The following DSTYK variants were observed in gnomAD, a reference collection of about 807,000 sequenced individuals.
The protein encoded by DSTYK is dual serine/threonine and tyrosine protein kinase.
DSTYK carries 34 observed loss-of-function variants against 98.7 expected under a neutral mutation model. The ratio of observed to expected loss-of-function variants is 0.34; its 90% CI spans 0.26 to 0.46. DSTYK has a LOEUF of 0.46. DSTYK is among the 20% of genes least tolerant of loss of function. The pLI is 1.00. For missense variants in DSTYK, 962 were observed against 1,181.7 expected (o/e 0.81, Z 2.73); for synonymous variants, 462 against 457.3 (o/e 1.01, Z -0.13).
intron 1 of DSTYK, among the ~76,000 whole-genome samples, chr1:205,192,004 G>C (rs1393561767): frequency 6.6e-6 from 1 of 152,044 alleles, no homozygotes; most frequent in African/African-American, 2.4e-5. Flanking sequence ...GGCTTCTGTT[G>C]TTGTTGTTGT....
At chr1:205,209,735 G>A (rs899629929) in intron 1 of DSTYK, among the ~76,000 whole-genome samples, 6 of 148,970 alleles carry the variant, frequency 4.0e-5, no homozygotes, top group African/African-American at 1.2e-4. Context: ...GATATTAAGC[G>A]CAAAACTTTG....
intron 1 of DSTYK, among the ~76,000 whole-genome samples, chr1:205,194,082 C>T (rs977114495): frequency 6.6e-6 from 1 of 152,208 alleles, no homozygotes; most frequent in Non-Finnish European, 1.5e-5. Flanking sequence ...ACCATTAGAT[C>T]ATGTCCTACT....
At chr1:205,193,565 A>G (rs1327313271) in intron 1 of DSTYK, among the ~76,000 whole-genome samples, 1 of 152,026 alleles carries the variant, frequency 6.6e-6, no homozygotes. Flanking sequence ...CCTCTTCCTC[A>G]AGACCATAGA....
chr1:205,184,279 A>G (rs898205009), intron 2 of DSTYK, among the ~76,000 whole-genome samples: 4 of 152,142 alleles, frequency 2.6e-5, no homozygotes, highest in Non-Finnish European at 5.9e-5. Flanking sequence ...AAATTAAAAA[A>G]AAAAAATTTA....
intron 3 of DSTYK, among the ~76,000 whole-genome samples, chr1:205,164,664 T>C (rs567628287): frequency 3.1e-4 from 47 of 152,252 alleles, no homozygotes; most frequent in African/African-American, 1.1e-3. Flanking sequence ...GGTTTCCCCA[T>C]GTTGGCCAGG....
rs116524245 is a variant in DSTYK at position 205,152,622 on chromosome 1, T to C, written c.2353-1828A>G. ...TTTCCATTACAGGTTGAGTATCCCT[T>C]ATCTGAAAGGCTTGGAACCAGAAGT... On this transcript the variant is annotated intron_variant, in intron 10 of 12. Transcript: ENST00000367162. 3.9e-3 allele frequency among the ~76,000 whole-genome samples: 600 copies of C among 152,298 alleles called. 3 individuals carry two copies. Among genetic ancestry groups the C allele is most frequent in the African/African-American group, 0.014 (578 of 41,564 alleles).
intron 1 of DSTYK, 61 bp downstream of exon 1, chr1:205,211,210 G>C: frequency 6.6e-7 from 1 of 1,524,536 alleles, no homozygotes; most frequent in Non-Finnish European, 8.8e-7. Flanking sequence ...CAGGGCAGGG[G>C]TGCGGTCCGT....
chr1:205,178,951 A>G (rs1450991562), intron 2 of DSTYK, among the ~76,000 whole-genome samples: 1 of 151,820 alleles, frequency 6.6e-6, no homozygotes, highest in Non-Finnish European at 1.5e-5. Flanking sequence ...CAACATGGCA[A>G]AACCCCATTT....
rs775789164 is a variant in DSTYK at position 205,147,447 on chromosome 1, C to T, written c.*111G>A. On this transcript the variant is annotated 3_prime_UTR_variant, in exon 13 of 13. Transcript: ENST00000367162. Reference sequence around the variant, plus strand: ...AAGGTTCCAAGTTTCCCAGCAAGCACCAGTTCCCTTGGGAGTGTGTCCTAT... The same window carrying T: ...AAGGTTCCAAGTTTCCCAGCAAGCATCAGTTCCCTTGGGAGTGTGTCCTAT... 1.5e-5 allele frequency: 19 copies of T among 1,235,922 alleles called. No individual in the cohort carries two copies. Among genetic ancestry groups the T allele is most frequent in the Non-Finnish European group, 2.0e-5 (18 of 889,154 alleles). The allele number at this position is 1,235,922 out of a possible 1,614,324, so 76.6% of individuals were successfully genotyped here. A position where few individuals can be genotyped will look rare whatever the true frequency, so the allele number is the denominator to read the frequency against.
chr1:205,150,822 C>T lies in DSTYK; in HGVS notation c.2353-28G>A. On this transcript the variant is annotated intron_variant, in intron 10 of 12. Coordinates refer to ENST00000367162, the MANE Select transcript of DSTYK (RefSeq NM_015375.3). The surrounding 1 kb of genome is among the most constrained non-coding windows in gnomAD (Gnocchi z 4.1). The stretch of plus-strand genomic sequence containing the variant: ...GCCAACAAAGCAGGGCAAGAGTCAC[C>T]TTGTTTCTGATCCTGCACACAGCAC... 6.3e-7 allele frequency: 1 copy of T among 1,584,892 alleles called. No individual in the cohort carries two copies. The highest frequency in any genetic ancestry group is 8.7e-7 in the Non-Finnish European group (1 of 1,153,678).
At chr1:205,205,281 C>T (rs147402858) in intron 1 of DSTYK, among the ~76,000 whole-genome samples, 1 of 152,058 alleles carries the variant, frequency 6.6e-6, no homozygotes, top group Non-Finnish European at 1.5e-5. Flanking sequence ...AGCTTCTCCC[C>T]ACCCCTAAGC....
At chr1:205,166,161 G>C (rs1657883154) in intron 3 of DSTYK, among the ~76,000 whole-genome samples, 1 of 152,154 alleles carries the variant, frequency 6.6e-6, no homozygotes, top group Admixed American at 6.6e-5. Context: ...TGCCCTCTAA[G>C]ATACATATTA....
chr1:205,194,611 G>GGGTTCAAGCGACCC (rs1274478530), intron 1 of DSTYK, among the ~76,000 whole-genome samples: 26 of 150,920 alleles, frequency 1.7e-4, no homozygotes, highest in African/African-American at 6.1e-4. Flanking sequence ...TCAAACTCCT[G>GGGTTCAAGCGACCC]GGTTCAAGCG....
intron 1 of DSTYK, chr1:205,202,815 TA>T: frequency 1.9e-6 from 1 of 530,616 alleles, no homozygotes; most frequent in South Asian, 2.1e-5. Context: ...AATAAAGGCA[TA>T]ATCTGTATGA....
rs578096951 is a variant in DSTYK at position 205,146,164 on chromosome 1, A to G, written c.*1394T>C. On this transcript the variant is annotated 3_prime_UTR_variant, in exon 13 of 13. Transcript: ENST00000367162. The stretch of plus-strand genomic sequence containing the variant: ...CAAATTGCGGGAGAAATCGTGGTTA[A>G]AAGCTCATTGATCAAGTTTTCCAAA... 1 of 152,214 alleles carries G rather than the reference A, an allele frequency of 6.6e-6. No individual in the cohort carries two copies. Among genetic ancestry groups the G allele is most frequent in the Non-Finnish European group, 1.5e-5 (1 of 68,028 alleles). 9.4% of individuals were successfully genotyped at this position (152,214 alleles called of 1,614,324 possible). A position where few individuals can be genotyped will look rare whatever the true frequency, so the allele number is the denominator to read the frequency against.
chr1:205,210,742 G>A (rs890552780), intron 1 of DSTYK, among the ~76,000 whole-genome samples: 2 of 152,160 alleles, frequency 1.3e-5, no homozygotes, highest in African/African-American at 4.8e-5. Flanking sequence ...TTTAGAGAAT[G>A]TCCCCTCTTC....
At chr1:205,174,886 C>A (rs11240375) in intron 2 of DSTYK, among the ~76,000 whole-genome samples, 1 of 149,546 alleles carries the variant, frequency 6.7e-6, no homozygotes, top group African/African-American at 2.5e-5. Context: ...TACAGGCATG[C>A]GCCACCACGC....
At chr1:205,165,859 T>C (rs12048453) in intron 3 of DSTYK, among the ~76,000 whole-genome samples, 46,565 of 151,834 alleles carry the variant, frequency 0.31, 7,601 homozygotes, top group South Asian at 0.42. Context: ...GATGGTGTGA[T>C]GGTGCACACC....
chr1:205,165,509 AGAACTT>A (rs1348472162), intron 3 of DSTYK, among the ~76,000 whole-genome samples: 1 of 152,338 alleles, frequency 6.6e-6, no homozygotes, highest in East Asian at 1.9e-4. Context: ...AGAGGACAGA[AGAACTT>A]GAGAGAAGTC....
Sources: gnomAD v4.1 joint callset for allele counts (sites outside exome capture counted in the v4.1 genomes callset) on GRCh38, gnomAD v4.1.1 for gene constraint, Gnocchi (gnomAD v3.1) non-coding constraint, MANE v1.5 for transcripts, NCBI Gene and HGNC (gene_info 2026-07-23, HGNC 2026-07-21) for gene names.